ETAA1: variants seen among roughly 807,000 people sequenced by gnomAD.
ETAA1 encodes ETAA1 activator of ATR kinase.
ETAA1 carries 49 observed loss-of-function variants against 76.8 expected under a neutral mutation model. That is an observed-to-expected ratio of 0.64 (90% CI 0.51 to 0.81). The LOEUF (loss-of-function observed/expected upper bound fraction) is 0.81, where lower values mean the gene tolerates loss of function less well. Ranked by LOEUF, ETAA1 falls within the 30% of genes least tolerant of loss-of-function variation. ETAA1 has a pLI of 0.00. For missense variants in ETAA1, 1,099 were observed against 1,074.0 expected (o/e 1.02, Z -0.32); for synonymous variants, 373 against 372.2 (o/e 1.00, Z -0.03).
chr2:67,408,762 G>A (rs1167082976), intron 5 of ETAA1, among the ~76,000 whole-genome samples: 1 of 152,076 alleles, frequency 6.6e-6, no homozygotes, highest in East Asian at 1.9e-4. Context: ...CAAATTGTAA[G>A]ACCAACTTTA....
chr2:67,405,237 G>C lies in ETAA1; in HGVS notation c.2555G>C (p.Gly852Ala), dbSNP rs1391852680. 19 of 1,611,974 alleles carry C rather than the reference G, an allele frequency of 1.2e-5. No homozygotes were observed. The highest frequency in any genetic ancestry group is 1.5e-5 in the Non-Finnish European group (18 of 1,178,976). The change falls in exon 5 of 6, where the codon GGT (glycine) becomes GCT (alanine). Residue 852 changes from glycine (G) to alanine (A), a missense_variant. Physicochemically the swap from Gly to Ala is moderately conservative, Grantham distance 60. Coordinates refer to ENST00000272342, the MANE Select transcript of ETAA1 (RefSeq NM_019002.4). ...ATGTCTGATACCAAAATTACACAGG[G>C]TGTGGAGAAAAAGAAAGGTGTCAAC... Reference protein sequence around the residue: ...GSMSDTKITQGVEKKKGVNPL... With the variant: ...GSMSDTKITQAVEKKKGVNPL...
chr2:67,403,210 A>T lies in ETAA1; in HGVS notation c.543-15A>T. The T allele has an allele frequency of 6.8e-7, 1 of 1,467,960 alleles. No individual in the cohort carries two copies. The highest frequency in any genetic ancestry group is 9.2e-7 in the Non-Finnish European group (1 of 1,090,776). The allele number at this position is 1,467,960 out of a possible 1,614,324, so 90.9% of individuals were successfully genotyped here. ...TTCAGAACATTTTTAGTTATTTTTT[A>T]ATCTTGTTTAATAGGTTAAAAACAC... On this transcript the variant is annotated splice_polypyrimidine_tract_variant and intron_variant, in intron 4 of 5. Transcript: ENST00000272342.
At position 67,404,122 on chromosome 2, in the gene ETAA1, A is replaced by G. The variant is rs780115115; in HGVS notation, c.1440A>G (p.Lys480=). ...SNKLSTGNKM[K]FENSSNKIVI... ...AATTATCCACTGGAAATAAAATGAA[A>G]TTTGAGAACTCTTCCAATAAAATTG... Residue 480 remains lysine, a synonymous_variant, in exon 5 of 6, where the codon AAA becomes AAG. Coordinates refer to ENST00000272342, the MANE Select transcript of ETAA1 (RefSeq NM_019002.4). The G allele has an allele frequency of 1.3e-6, 2 of 1,589,752 alleles. No homozygotes were observed. Among genetic ancestry groups the G allele is most frequent in the South Asian group, 2.3e-5 (2 of 87,736 alleles).
intron 1 of ETAA1, among the ~76,000 whole-genome samples, chr2:67,398,095 T>TA (rs1675937192): frequency 6.6e-6 from 1 of 152,146 alleles, no homozygotes; most frequent in Non-Finnish European, 1.5e-5. Flanking sequence ...TAGGAAAAGT[T>TA]AAAGTTTGTC....
Position 67,404,986 on chromosome 2 carries a change from G to T in ETAA1, c.2304G>T (p.Leu768Phe), listed in dbSNP as rs749109520. The change falls in exon 5 of 6, where the codon TTG becomes TTT. Residue 768 changes from leucine to phenylalanine, a missense_variant. Around this residue, in one of 3 missense-constraint regions of ETAA1, gnomAD observed 302 missense variants for 278.1 expected, o/e 1.09. Coordinates refer to ENST00000272342, the MANE Select transcript of ETAA1 (RefSeq NM_019002.4). ...DVPIQVNSSK[L>F]VLPGSSSLNV... is the part of the protein sequence containing the mutation. ...CAATACAAGTGAATAGTTCCAAATT[G>T]GTTCTTCCAGGAAGTTCAAGTTTGA... 2 of 1,611,976 alleles carry T rather than the reference G, an allele frequency of 1.2e-6. No homozygotes were observed. The highest frequency in any genetic ancestry group is 1.7e-6 in the Non-Finnish European group (2 of 1,178,836).
chr2:67,405,333 A>T lies in ETAA1; in HGVS notation c.2651A>T (p.Lys884Ile). ...TCTGAATCTTTGAAACAATCTTCAA[A>T]AGGTATGTATGAAATATGAAATAGT... ...KLSESLKQSS[K>I]EEEEKNRKCS... The change falls in exon 5 of 6, where the codon AAA becomes ATA. Residue 884 changes from lysine to isoleucine, a missense_variant and splice_region_variant. This residue lies in a region of ETAA1 where 302 missense variants were observed against 278.1 expected (regional missense o/e 1.09). Transcript: ENST00000272342. The T allele has an allele frequency of 6.5e-7, 1 of 1,529,610 alleles. No individual in the cohort carries two copies. The highest frequency in any genetic ancestry group is 8.8e-7 in the Non-Finnish European group (1 of 1,142,348). The allele number at this position is 1,529,610 out of a possible 1,614,324, so 94.8% of individuals were successfully genotyped here.
In ETAA1 at chr2:67,403,444, A is replaced by G; in HGVS notation, c.762A>G (p.Pro254=). 1.2e-6 allele frequency: 2 copies of G among 1,613,038 alleles called. No homozygotes were observed. Among genetic ancestry groups the G allele is most frequent in the Non-Finnish European group, 1.7e-6 (2 of 1,179,172 alleles). Residue 254 remains proline (P), a synonymous_variant, in exon 5 of 6, where the codon CCA becomes CCG. Coordinates refer to ENST00000272342, the MANE Select transcript of ETAA1 (RefSeq NM_019002.4). ...AAATAGATAATGCTACAAAAAAGCC[A>G]ATCAAAGGAAACACCAAGATATCTG... The part of the protein sequence containing the change: ...VPEIDNATKK[P]IKGNTKISVA...
chr2:67,404,838 A>T lies in ETAA1; in HGVS notation c.2156A>T (p.Glu719Val). Residue 719 changes from glutamate to valine, a missense_variant, in exon 5 of 6, where the codon GAG (glutamate) becomes GTG (valine). Physicochemically the swap from Glu to Val is moderately radical, Grantham distance 121 (BLOSUM62 -2). Coordinates refer to ENST00000272342, the MANE Select transcript of ETAA1 (RefSeq NM_019002.4). ...CAAATAGATAAGCCAATGAAGATGG[A>T]GAAAGGGGAAATGTATGGAAATTCT... ...SSQIDKPMKM[E>V]KGEMYGNSPR... 1 of 1,613,260 alleles carries T rather than the reference A, an allele frequency of 6.2e-7. No homozygotes were observed. Among genetic ancestry groups the T allele is most frequent in the Non-Finnish European group, 8.5e-7 (1 of 1,179,488 alleles).
chr2:67,410,338 A>C lies in ETAA1; in HGVS notation c.*300A>C, dbSNP rs1453062428. The C allele has an allele frequency of 4.7e-6, 1 of 213,784 alleles. No homozygotes were observed. The highest frequency in any genetic ancestry group is 9.2e-6 in the Non-Finnish European group (1 of 109,288). 13.2% of individuals were successfully genotyped at this position (213,784 alleles called of 1,614,324 possible). ...TGCTATTATTGCAGAGGATCATCAA[A>C]AAAGAGGTAATCTACGTTATTTCCT... is the stretch of plus-strand genomic sequence containing the variant. On this transcript the variant is annotated 3_prime_UTR_variant, in exon 6 of 6. Transcript: ENST00000272342.
At position 67,399,688 on chromosome 2, in the gene ETAA1, G is replaced by T. The variant is rs563397589; in HGVS notation, c.429+62G>T. The T allele has an allele frequency of 1.0e-5, 12 of 1,145,810 alleles. No individual in the cohort carries two copies. In the East Asian group the frequency reaches 2.9e-4, roughly 28 times the overall value. The allele number at this position is 1,145,810 out of a possible 1,614,324, so 71.0% of individuals were successfully genotyped here. A position where few individuals can be genotyped will look rare whatever the true frequency, so the allele number is the denominator to read the frequency against. ...GTGAAGAATGTGCCACTAAGTTTTT[G>T]TAGTTTCTTTAAATGAAAAGTATTG... On this transcript the variant is annotated intron_variant, in intron 3 of 5. Transcript: ENST00000272342.
rs767266239 is a variant in ETAA1 at position 67,405,339 on chromosome 2, T to TGTATGAA, written c.2653+5_2653+11dup. On this transcript the variant is annotated splice_donor_region_variant and intron_variant, in intron 5 of 5. Coordinates refer to ENST00000272342, the MANE Select transcript of ETAA1 (RefSeq NM_019002.4). ...TCTTTGAAACAATCTTCAAAAGGTA[T>TGTATGAA]GTATGAAATATGAAATAGTTTTCTT... The TGTATGAA allele has an allele frequency of 1.3e-5, 20 of 1,510,408 alleles. No homozygotes were observed. In the East Asian group the frequency reaches 4.5e-4, roughly 34 times the overall value. 93.6% of individuals were successfully genotyped at this position (1,510,408 alleles called of 1,614,324 possible). A position where few individuals can be genotyped will look rare whatever the true frequency, so the allele number is the denominator to read the frequency against.
In ETAA1 at chr2:67,410,006, T is replaced by A. The variant is rs773641700; in HGVS notation, c.2749T>A (p.Ser917Thr). 6.2e-7 allele frequency: 1 copy of A among 1,608,778 alleles called. No homozygotes were observed. ...GAGAATGGCTAAAGCACGAGCCTCA[T>A]CTGTAAATGCAGCTCCCACTTCATT... ...VRRMAKARAS[S>T]VNAAPTSFL is the part of the protein sequence containing the mutation. Residue 917 changes from serine to threonine, a missense_variant, in exon 6 of 6, where the codon TCT becomes ACT. By Grantham distance (58) the Ser-to-Thr change is moderately conservative. Coordinates refer to ENST00000272342, the MANE Select transcript of ETAA1 (RefSeq NM_019002.4).
rs1202036330 is a variant in ETAA1 at position 67,404,835 on chromosome 2, T to C, written c.2153T>C (p.Met718Thr). 3 of 1,613,290 alleles carry C rather than the reference T, an allele frequency of 1.9e-6. No individual in the cohort carries two copies. Among genetic ancestry groups the C allele is most frequent in the Non-Finnish European group, 2.5e-6 (3 of 1,179,520 alleles). The change falls in exon 5 of 6, where the codon ATG becomes ACG. Residue 718 changes from methionine to threonine, a missense_variant. Physicochemically the swap from Met to Thr is moderately conservative, Grantham distance 81 (BLOSUM62 -1). Around this residue, in one of 3 missense-constraint regions of ETAA1, gnomAD observed 302 missense variants for 278.1 expected, o/e 1.09. Transcript: ENST00000272342. Reference protein sequence around the residue: ...NSSQIDKPMKMEKGEMYGNSP... With the variant: ...NSSQIDKPMKTEKGEMYGNSP... ...TCACAAATAGATAAGCCAATGAAGA[T>C]GGAGAAAGGGGAAATGTATGGAAAT...
In ETAA1 at chr2:67,405,210, G is replaced by A; in HGVS notation, c.2528G>A (p.Ser843Asn). The A allele has an allele frequency of 6.2e-7, 1 of 1,612,566 alleles. No homozygotes were observed. Among genetic ancestry groups the A allele is most frequent in the Non-Finnish European group, 8.5e-7 (1 of 1,179,140 alleles). ...TTTAATCAAAATTGTATAACTGGAAGTATGTCTGATACCAAAATTACACAG... is the reference window on the plus strand; with the variant it reads ...TTTAATCAAAATTGTATAACTGGAAATATGTCTGATACCAAAATTACACAG... ...SQFNQNCITG[S>N]MSDTKITQGV... The change falls in exon 5 of 6, where the codon AGT becomes AAT. Residue 843 changes from serine to asparagine, a missense_variant. By Grantham distance (46) the Ser-to-Asn change is conservative (BLOSUM62 1). Coordinates refer to ENST00000272342, the MANE Select transcript of ETAA1 (RefSeq NM_019002.4).
In ETAA1 at chr2:67,411,601, A is replaced by G. The variant is rs1037306038; in HGVS notation, c.*1563A>G. 3.3e-5 allele frequency: 5 copies of G among 152,070 alleles called. No individual in the cohort carries two copies. The highest frequency in any genetic ancestry group is 1.2e-4 in the African/African-American group (5 of 41,446). 9.4% of individuals were successfully genotyped at this position (152,070 alleles called of 1,614,324 possible). ...ATATCTCTAGCCTGGGAAAGAATCA[A>G]ACTTTAAAGTATGGTTTCTATTGGA... is the stretch of plus-strand genomic sequence containing the variant. On this transcript the variant is annotated 3_prime_UTR_variant, in exon 6 of 6. Transcript: ENST00000272342.
intron 5 of ETAA1, 94 bp downstream of exon 5, chr2:67,405,429 G>A: frequency 4.3e-6 from 4 of 924,890 alleles, no homozygotes; most frequent in South Asian, 4.6e-5. Context: ...TAATGTATAA[G>A]GTAAAACTAT....
Position 67,397,371 on chromosome 2 carries a change from G to A in ETAA1, c.-78G>A. On this transcript the variant is annotated 5_prime_UTR_variant, in exon 1 of 6. Transcript: ENST00000272342. ...GCGGCTGCCGTTGGTGCGGGGTGCGGTTTGTAGTGCTGTTGCCCTACTCAT... is the reference window on the plus strand; with the variant it reads ...GCGGCTGCCGTTGGTGCGGGGTGCGATTTGTAGTGCTGTTGCCCTACTCAT... 7.0e-7 allele frequency: 1 copy of A among 1,436,568 alleles called. No individual in the cohort carries two copies. The highest frequency in any genetic ancestry group is 9.6e-7 in the Non-Finnish European group (1 of 1,044,228). The allele number at this position is 1,436,568 out of a possible 1,614,324, so 89.0% of individuals were successfully genotyped here.
intron 1 of ETAA1, among the ~76,000 whole-genome samples, chr2:67,398,102 T>C (rs2103737290): frequency 6.6e-6 from 1 of 152,284 alleles, no homozygotes; most frequent in Admixed American, 6.5e-5. Flanking sequence ...AGTTAAAGTT[T>C]GTCTCAAAGC....
intron 5 of ETAA1, among the ~76,000 whole-genome samples, chr2:67,409,009 A>T (rs1052548795): frequency 1.3e-5 from 2 of 152,050 alleles, no homozygotes; most frequent in African/African-American, 4.8e-5. Context: ...CATCAAAATC[A>T]TCTGGGAAAC....
Sources: allele counts gnomAD v4.1 joint callset (sites outside exome capture counted in the v4.1 genomes callset), GRCh38; gene constraint gnomAD v4.1.1; regional missense constraint gnomAD v4.1.1; transcripts MANE v1.5; gene names NCBI Gene and HGNC (gene_info 2026-07-23, HGNC 2026-07-21).